The following COX4I1 variants were observed in gnomAD, a reference collection of about 807,000 sequenced individuals.
The protein encoded by COX4I1 is cytochrome c oxidase subunit 4I1.
COX4I1 carries 18 observed loss-of-function variants against 21.7 expected under a neutral mutation model. The ratio of observed to expected loss-of-function variants is 0.83; its 90% confidence interval spans 0.57 to 1.23. The LOEUF is 1.23. COX4I1 is among the 50% of genes most tolerant of loss of function. The probability of loss-of-function intolerance (pLI) is 0.00; values close to 1 mark genes in which losing one functional copy is unlikely to be tolerated. For synonymous variants in COX4I1, 100 were observed against 81.5 expected, an observed-to-expected ratio of 1.23 and a Z score of -1.23; for missense variants, 238 against 220.7, an observed-to-expected ratio of 1.08 and a Z score of -0.50.
At chr16:85,805,614 T>A in intron 3 of COX4I1, 119 bp from the exon 4 acceptor site, 1 of 1,460,130 alleles carries the variant, frequency 6.8e-7, no homozygotes, top group South Asian at 1.3e-5. Flanking sequence ...GGTTGGTGTA[T>A]CCTTCAGCTC....
At chr16:85,805,534 T>C (rs2599092) in intron 3 of COX4I1, 199 bp from the exon 4 acceptor site, 696,534 of 701,970 alleles carry the variant, frequency 0.99, 345,756 homozygotes, top group East Asian at 1. Flanking sequence ...CATTTTCTTC[T>C]TTCCTTGCCC....
Position 85,805,066 on chromosome 16 carries a change from C to G in COX4I1, c.203C>G (p.Ala68Gly), listed in dbSNP as rs1906077855. 1 of 1,613,674 alleles carries G rather than the reference C, an allele frequency of 6.2e-7. No homozygotes were observed. Among genetic ancestry groups the G allele is most frequent in the African/African-American group, 1.3e-5 (1 of 74,902 alleles). Residue 68 changes from alanine to glycine, a missense_variant, in exon 3 of 5, where the codon GCC becomes GGC. By Grantham distance (60) the Ala-to-Gly change is moderately conservative (BLOSUM62 0). Transcript: ENST00000253452. ...AAGGCATTGAAGGAGAAGGAGAAGGCCTCCTGGAGCAGCCTCTCCATGGAT... is the reference window on the plus strand; with the variant it reads ...AAGGCATTGAAGGAGAAGGAGAAGGGCTCCTGGAGCAGCCTCTCCATGGAT... ...SQKALKEKEK[A>G]SWSSLSMDEK...
chr16:85,802,218 G>A (rs1031035078), intron 2 of COX4I1, among the ~76,000 whole-genome samples: 2 of 152,154 alleles, frequency 1.3e-5, no homozygotes, highest in Non-Finnish European at 2.9e-5. Flanking sequence ...GTGGGTGGTC[G>A]CTCCTGTCTA....
rs564043341 is a variant in COX4I1, at chr16:85,800,941, A to G, written c.-1-264A>G. ...GCCCGGCCTCTCCTTGTTTTTTTAA[A>G]AAGACCAATGTTCTGTTAATTACCT... On this transcript the variant is annotated intron_variant, in intron 1 of 4. Coordinates refer to ENST00000253452, the MANE Select transcript of COX4I1 (RefSeq NM_001861.6). Among the ~76,000 whole-genome samples, 6 of 152,224 alleles carry G rather than the reference A, an allele frequency of 3.9e-5. No homozygotes were observed. In the South Asian group the frequency reaches 1.2e-3, roughly 32 times the overall value.
intron 1 of COX4I1, among the ~76,000 whole-genome samples, chr16:85,800,184 C>T (rs531359739): frequency 6.6e-6 from 1 of 152,264 alleles, no homozygotes; most frequent in Non-Finnish European, 1.5e-5. Context: ...TGTTTGCTCA[C>T]GCAAGGGCTA....
At position 85,806,178 on chromosome 16, in the gene COX4I1, C is replaced by A. The variant is rs554046841; in HGVS notation, c.373+314C>A. On this transcript the variant is annotated intron_variant, in intron 4 of 4. Coordinates refer to ENST00000253452, the MANE Select transcript of COX4I1 (RefSeq NM_001861.6). ...CCAGTCACTTAGCGAAAGATGACTT[C>A]GTGAAGGTTCGAGCAAGGATAAGGG... 1.2e-5 allele frequency: 7 copies of A among 583,200 alleles called. No homozygotes were observed. In the East Asian group the frequency reaches 1.7e-4, roughly 14 times the overall value. 36.1% of individuals were successfully genotyped at this position (583,200 alleles called of 1,614,324 possible).
At position 85,801,231 on chromosome 16, in the gene COX4I1, T is replaced by A; in HGVS notation, c.26T>A (p.Leu9Gln). Residue 9 changes from leucine to glutamine, a missense_variant, in exon 2 of 5, where the codon CTA becomes CAA. Leu to Gln is a moderately radical substitution (Grantham distance 113). Transcript: ENST00000253452. ...ATGTTGGCTACCAGGGTATTTAGCCTAGTTGGCAAGCGAGCAATTTCCACC... is the reference window on the plus strand; with the variant it reads ...ATGTTGGCTACCAGGGTATTTAGCCAAGTTGGCAAGCGAGCAATTTCCACC... Reference protein sequence around the residue: MLATRVFSLVGKRAISTSV... With the variant: MLATRVFSQVGKRAISTSV... 6.2e-7 allele frequency: 1 copy of A among 1,610,314 alleles called. No homozygotes were observed. Among genetic ancestry groups the A allele is most frequent in the Non-Finnish European group, 8.5e-7 (1 of 1,176,742 alleles).
chr16:85,805,071 T>C lies in COX4I1; in HGVS notation c.208T>C (p.Trp70Arg), dbSNP rs1184725448. 6.2e-7 allele frequency: 1 copy of C among 1,613,590 alleles called. No homozygotes were observed. The highest frequency in any genetic ancestry group is 8.5e-7 in the Non-Finnish European group (1 of 1,179,878). The change falls in exon 3 of 5, where the codon TGG becomes CGG. Residue 70 changes from tryptophan to arginine, a missense_variant. Transcript: ENST00000253452. ...KALKEKEKAS[W>R]SSLSMDEKVE... ...ATTGAAGGAGAAGGAGAAGGCCTCC[T>C]GGAGCAGCCTCTCCATGGATGAGAA... is the stretch of plus-strand genomic sequence containing the variant.
At chr16:85,803,122 T>C (rs955330961) in intron 2 of COX4I1, 3 of 152,224 alleles carry the variant, frequency 2.0e-5, no homozygotes, top group African/African-American at 7.2e-5. Flanking sequence ...GTAAGCTGAG[T>C]GTTTTAAACT....
In COX4I1 at chr16:85,802,700, G is replaced by A. The variant is rs551319002; in HGVS notation, c.73+1422G>A. Among the ~76,000 whole-genome samples the A allele has an allele frequency of 7.4e-4, 113 of 152,188 alleles. 2 individuals carry two copies. The highest frequency in any genetic ancestry group is 1.0e-3 in the Admixed American group (16 of 15,280). On this transcript the variant is annotated intron_variant, in intron 2 of 4. Transcript: ENST00000253452. ...AACAGAAATCCGTCCATGTTGAAGC[G>A]GTGACAAACATTCCTTACAATCTGG...
intron 1 of COX4I1, among the ~76,000 whole-genome samples, chr16:85,800,687 G>A (rs781615400): frequency 6.6e-6 from 1 of 152,030 alleles, no homozygotes; most frequent in East Asian, 1.9e-4. Flanking sequence ...GCAGTGGTGC[G>A]GTCTCGGCTC....
In COX4I1 at chr16:85,805,797, G is replaced by A. The variant is rs374921510; in HGVS notation, c.306G>A (p.Thr102=). 9 of 1,614,152 alleles carry A rather than the reference G, an allele frequency of 5.6e-6. No homozygotes were observed. The highest frequency in any genetic ancestry group is 2.2e-5 in the South Asian group (2 of 91,096). Residue 102 remains threonine, a synonymous_variant, in exon 4 of 5, where the codon ACG becomes ACA. Coordinates refer to ENST00000253452, the MANE Select transcript of COX4I1 (RefSeq NM_001861.6). ...ACAGGGGCTCGAACGAGTGGAAGACGGTTGTGGGCGGTGCCATGTTCTTCA... is the reference window on the plus strand; with the variant it reads ...ACAGGGGCTCGAACGAGTGGAAGACAGTTGTGGGCGGTGCCATGTTCTTCA... ...EMNRGSNEWK[T]VVGGAMFFIG...
chr16:85,801,268 A>C lies in COX4I1; in HGVS notation c.63A>C (p.Val21=). ...GAGCAATTTCCACCTCTGTGTGTGT[A>C]CGAGCTCATGGTAAGTGTGACTTTT... The part of the protein sequence containing the change: ...GKRAISTSVC[V]RAHESVVKSE... The change falls in exon 2 of 5, where the codon GTA becomes GTC. Residue 21 remains valine (V), a synonymous_variant. Coordinates refer to ENST00000253452, the MANE Select transcript of COX4I1 (RefSeq NM_001861.6). 1 of 1,609,250 alleles carries C rather than the reference A, an allele frequency of 6.2e-7. No individual in the cohort carries two copies. Among genetic ancestry groups the C allele is most frequent in the Non-Finnish European group, 8.5e-7 (1 of 1,175,846 alleles).
At chr16:85,803,271 A>C (rs916942279) in intron 2 of COX4I1, 7 of 152,238 alleles carry the variant, frequency 4.6e-5, no homozygotes, top group African/African-American at 1.7e-4. Flanking sequence ...CCTGTCCCTC[A>C]AATCCCAGCT....
chr16:85,801,028 C>A (rs1011036750), intron 1 of COX4I1, among the ~76,000 whole-genome samples, 177 bp from the exon 2 acceptor site: 1 of 152,172 alleles, frequency 6.6e-6, no homozygotes, highest in African/African-American at 2.4e-5. Context: ...ATGCCAATTA[C>A]TAAGAAAAAC....
At chr16:85,805,986 T>C in intron 4 of COX4I1, 122 bp downstream of exon 4, 1 of 1,369,958 alleles carries the variant, frequency 7.3e-7, no homozygotes, top group African/African-American at 1.4e-5. Flanking sequence ...CATTCCAGAG[T>C]TCATCTCAGG....
rs1397986405 is a variant in COX4I1 at position 85,801,483 on chromosome 16, T to C, written c.73+205T>C. 2.6e-5 allele frequency among the ~76,000 whole-genome samples: 4 copies of C among 152,164 alleles called. 1 individual carries two copies. Among genetic ancestry groups the C allele is most frequent in the Non-Finnish European group, 5.9e-5 (4 of 68,022 alleles). The stretch of plus-strand genomic sequence containing the variant: ...TGAATCTCTTCTGGATCTTTGGTTA[T>C]ACTGATACTTCCCCACTTACCCTTC... On this transcript the variant is annotated intron_variant, in intron 2 of 4. Coordinates refer to ENST00000253452, the MANE Select transcript of COX4I1 (RefSeq NM_001861.6).
chr16:85,800,016 G>A (rs1036757172), intron 1 of COX4I1: 2 of 152,176 alleles, frequency 1.3e-5, no homozygotes, highest in Non-Finnish European at 2.9e-5. Context: ...TGACCTTGGA[G>A]CGCCCGCTGG....
At chr16:85,805,527 T>C (rs1229441966) in intron 3 of COX4I1, 24 of 670,220 alleles carry the variant, frequency 3.6e-5, no homozygotes, top group Middle Eastern at 5.2e-4. Flanking sequence ...CTGTATGCAT[T>C]TTCTTCTTTC....
Sources: gnomAD v4.1 joint callset for allele counts (sites outside exome capture counted in the v4.1 genomes callset) on GRCh38, gnomAD v4.1.1 for gene constraint, MANE v1.5 for transcripts, NCBI Gene and HGNC (gene_info 2026-07-23, HGNC 2026-07-21) for gene names.